Variants in PIK3C2G observed in about 807,000 individuals in gnomAD.
The protein encoded by PIK3C2G is phosphatidylinositol 3-kinase C2 domain-containing subunit gamma.
A neutral mutation model predicts 181.1 loss-of-function variants in PIK3C2G; 168 were observed. The observed-to-expected ratio is 0.93, with a 90% CI of 0.82 to 1.05. The LOEUF (loss-of-function observed/expected upper bound fraction) is 1.05, where lower values mean the gene tolerates loss of function less well. Ranked by LOEUF, PIK3C2G falls within the 50% of genes least tolerant of loss-of-function variation. The probability of loss-of-function intolerance (pLI) is 0.00; values close to 1 mark genes in which losing one functional copy is unlikely to be tolerated. For missense variants in PIK3C2G, 1,869 were observed against 1,732.8 expected, an observed-to-expected ratio of 1.08 and a Z score of -1.40; for synonymous variants, 573 against 592.2, an observed-to-expected ratio of 0.97 and a Z score of 0.47.
chr12:18,414,345 A>G (rs1394416160), intron 16 of PIK3C2G, among the ~76,000 whole-genome samples: 1 of 152,156 alleles, frequency 6.6e-6, no homozygotes, highest in Non-Finnish European at 1.5e-5. Flanking sequence ...TTTAAAACTT[A>G]GCTTAAAAAA....
At chr12:18,413,891 A>C (rs1317155066) in intron 16 of PIK3C2G, among the ~76,000 whole-genome samples, 1 of 152,178 alleles carries the variant, frequency 6.6e-6, no homozygotes, top group African/African-American at 2.4e-5. Context: ...AGTCAGAGAA[A>C]TAATGCGTAG....
At chr12:18,513,220 G>T (rs1328233606) in intron 24 of PIK3C2G, among the ~76,000 whole-genome samples, 4 of 151,744 alleles carry the variant, frequency 2.6e-5, no homozygotes, top group Admixed American at 1.3e-4. Flanking sequence ...GAGTATTTTT[G>T]CATCTACGTT....
rs201664666 is a variant in PIK3C2G at position 18,282,686 on chromosome 12, A to C, written c.605A>C (p.Glu202Ala). Residue 202 changes from glutamate (E) to alanine (A), a missense_variant, in exon 2 of 33, where the codon GAA becomes GCA. Glu to Ala is a moderately radical substitution (Grantham distance 107). Transcript: ENST00000538779. ...AGGAGTGGACATGTGAACATTGTGG[A>C]ACCATCTTTGATGCTTTTGAAAGGC... ...NKRSGHVNIV[E>A]PSLMLLKGSL... 1 of 1,613,556 alleles carries C rather than the reference A, an allele frequency of 6.2e-7. No individual in the cohort carries two copies. The highest frequency in any genetic ancestry group is 8.5e-7 in the Non-Finnish European group (1 of 1,179,620).
the PIK3C2G span, among the ~76,000 whole-genome samples, chr12:18,695,432 T>C: frequency 1.3e-5 from 2 of 152,120 alleles, no homozygotes; most frequent in Admixed American, 6.6e-5. Flanking sequence ...GGTAAAGACA[T>C]CAACTATGTC....
chr12:18,707,710 G>A, the PIK3C2G span, among the ~76,000 whole-genome samples: 1 of 152,040 alleles, frequency 6.6e-6, no homozygotes, highest in Non-Finnish European at 1.5e-5. Flanking sequence ...GTAATTTCAT[G>A]TCCTCTTTTT....
intron 18 of PIK3C2G, among the ~76,000 whole-genome samples, chr12:18,452,934 T>C (rs1251586173): frequency 6.6e-6 from 1 of 152,208 alleles, no homozygotes; most frequent in Non-Finnish European, 1.5e-5. Flanking sequence ...GAGAGACTGT[T>C]TGTTATGATT....
At chr12:18,517,526 C>T (rs11044159) in intron 24 of PIK3C2G, among the ~76,000 whole-genome samples, 3,084 of 152,160 alleles carry the variant, frequency 0.02, 107 homozygotes, top group African/African-American at 0.071. Flanking sequence ...TGATTTGAGT[C>T]TCTGTTTGTC....
At chr12:18,412,240 T>G (rs1944905158) in intron 16 of PIK3C2G, among the ~76,000 whole-genome samples, 1 of 152,152 alleles carries the variant, frequency 6.6e-6, no homozygotes, top group African/African-American at 2.4e-5. Context: ...TGCTAATTCC[T>G]TAACTTATGG....
chr12:18,700,512 C>CAAAAAA, the PIK3C2G span, among the ~76,000 whole-genome samples: 403 of 67,890 alleles, frequency 5.9e-3, 67 homozygotes, highest in South Asian at 0.026. Context: ...AGCCAACGTA[C>CAAAAAA]AAAAAAAAAA....
the PIK3C2G span, among the ~76,000 whole-genome samples, chr12:18,696,502 T>C: frequency 1.3e-5 from 2 of 151,318 alleles, no homozygotes; most frequent in Non-Finnish European, 2.9e-5. Context: ...TCATAAAATG[T>C]ATGTACACTG....
At chr12:18,446,195 T>G (rs1211890618) in intron 18 of PIK3C2G, among the ~76,000 whole-genome samples, 1 of 152,140 alleles carries the variant, frequency 6.6e-6, no homozygotes, top group Non-Finnish European at 1.5e-5. Context: ...TGGAAGGGAA[T>G]GAACTTGAAG....
At chr12:18,322,054 A>C (rs2137469734) in intron 7 of PIK3C2G, among the ~76,000 whole-genome samples, 1 of 152,274 alleles carries the variant, frequency 6.6e-6, no homozygotes, top group African/African-American at 2.4e-5. Flanking sequence ...TATGTAACAA[A>C]CCTGCACATC....
chr12:18,431,856 T>C (rs1041260441), intron 18 of PIK3C2G, among the ~76,000 whole-genome samples: 9 of 152,218 alleles, frequency 5.9e-5, no homozygotes, highest in Admixed American at 5.9e-4. Flanking sequence ...CACTTTGTTG[T>C]CCTCAGAAAT....
downstream of PIK3C2G, among the ~76,000 whole-genome samples, chr12:18,650,327 C>CTATA (rs1193529296): frequency 7.1e-3 from 561 of 79,510 alleles, 6 homozygotes; most frequent in African/African-American, 0.021. Flanking sequence ...CTCTCTCTCT[C>CTATA]TCTCTATATA....
At chr12:18,432,640 T>A (rs1156842748) in intron 18 of PIK3C2G, among the ~76,000 whole-genome samples, 1 of 152,230 alleles carries the variant, frequency 6.6e-6, no homozygotes, top group Non-Finnish European at 1.5e-5. Context: ...AAAGGCATTC[T>A]GTTTAGAAAT....
At chr12:18,493,976 T>C (rs1940799677) in intron 20 of PIK3C2G, among the ~76,000 whole-genome samples, 2 of 152,172 alleles carry the variant, frequency 1.3e-5, no homozygotes, top group South Asian at 4.1e-4. Context: ...TGAATGCAAT[T>C]CTTCCCCACT....
the PIK3C2G span, chr12:18,699,817 G>C: frequency 1.2e-6 from 2 of 1,613,292 alleles, no homozygotes; most frequent in South Asian, 2.2e-5. Context: ...AAGTTTTCGG[G>C]CTTGTGTCTC....
intron 29 of PIK3C2G, among the ~76,000 whole-genome samples, chr12:18,592,225 A>G (rs888479034): frequency 6.6e-6 from 1 of 152,004 alleles, no homozygotes; most frequent in East Asian, 1.9e-4. Flanking sequence ...AATATTACCC[A>G]GAAAGGATAC....
intron 24 of PIK3C2G, among the ~76,000 whole-genome samples, chr12:18,532,170 C>T (rs1449098910): frequency 1.3e-5 from 2 of 150,422 alleles, no homozygotes; most frequent in Non-Finnish European, 3.0e-5. Flanking sequence ...TTACAATCTG[C>T]AAGTCATCTT....
Sources: gnomAD v4.1 joint callset for allele counts (sites outside exome capture counted in the v4.1 genomes callset) on GRCh38, gnomAD v4.1.1 for gene constraint, MANE v1.5 for transcripts, NCBI Gene and HGNC (gene_info 2026-07-23, HGNC 2026-07-21) for gene names.